Variants in MID2 observed in about 807,000 individuals in gnomAD.
MID2 encodes probable E3 ubiquitin-protein ligase MID2.
A neutral mutation model predicts 46.1 loss-of-function variants in MID2; 13 were observed. The observed-to-expected ratio is 0.28, with a 90% confidence interval of 0.18 to 0.45. The LOEUF is 0.45. MID2 is among the 20% of genes least tolerant of loss of function. MID2 has a pLI of 1.00. For missense variants in MID2, 431 were observed against 575.4 expected (o/e 0.75, Z 2.57); for synonymous variants, 199 against 212.3 (o/e 0.94, Z 0.55).
At chrX:107,913,039 TA>T (rs1271306666) in intron 5 of MID2, among the ~76,000 whole-genome samples, 1 of 110,935 alleles carries the variant, frequency 9.0e-6, no homozygotes, top group East Asian at 2.8e-4. Flanking sequence ...TTTGCTTAAA[TA>T]AAAAAACACA....
At chrX:107,863,368 A>C (rs928269981) in intron 3 of MID2, among the ~76,000 whole-genome samples, 1 of 111,827 alleles carries the variant, frequency 8.9e-6, no homozygotes, top group East Asian at 2.8e-4. Flanking sequence ...AGGTGTGGTC[A>C]TGTCTTCATA....
chrX:107,924,267 G>A lies in MID2; in HGVS notation c.1436-76G>A, dbSNP rs922270905. On this transcript the variant is annotated intron_variant, in intron 7 of 9. Transcript: ENST00000262843. ...ATTCACTTTTGAGGGGGTGGCTTAT[G>A]ATGAATTTTCAGTGTGTTTTTCATT... 4 of 1,021,551 alleles carry A rather than the reference G, an allele frequency of 3.9e-6. No individual in the cohort carries two copies. In the Admixed American group the frequency reaches 9.8e-5, roughly 25 times the overall value. 84.2% of individuals were successfully genotyped at this position (1,021,551 alleles called of 1,213,427 possible).
At chrX:107,918,050 A>C (rs1933003446) in intron 7 of MID2, among the ~76,000 whole-genome samples, 2 of 111,583 alleles carry the variant, frequency 1.8e-5, no homozygotes, top group African/African-American at 6.5e-5. Flanking sequence ...GGTAAAATAC[A>C]TTATGTTCAA....
chrX:107,836,788 C>T (rs917303280), intron 1 of MID2, among the ~76,000 whole-genome samples: 2 of 110,404 alleles, frequency 1.8e-5, no homozygotes, highest in Admixed American at 9.7e-5. Context: ...ATTCAGTACC[C>T]GAAAATTGGC....
At chrX:107,924,570 T>TCCATGCCAGGG in intron 8 of MID2, 66 bp downstream of exon 8, 1 of 1,097,267 alleles carries the variant, frequency 9.1e-7, no homozygotes, top group Non-Finnish European at 1.3e-6. Flanking sequence ...GTACACAGCC[T>TCCATGCCAGGG]GAGCAGGCAC....
intron 2 of MID2, among the ~76,000 whole-genome samples, chrX:107,843,978 T>C (rs1931404321): frequency 9.1e-6 from 1 of 109,953 alleles, no homozygotes; most frequent in African/African-American, 3.3e-5. Context: ...TTCTTCCCCA[T>C]ACTATCATTC....
chrX:107,874,292 A>G (rs1016439546), intron 3 of MID2, among the ~76,000 whole-genome samples: 2 of 111,765 alleles, frequency 1.8e-5, no homozygotes, highest in Non-Finnish European at 3.8e-5. Flanking sequence ...AACTTGATAC[A>G]CGAGGAGGCA....
At chrX:107,890,357 G>A (rs1485818086) in intron 3 of MID2, among the ~76,000 whole-genome samples, 2 of 112,262 alleles carry the variant, frequency 1.8e-5, no homozygotes, top group Non-Finnish European at 3.8e-5. Context: ...TTAGCTGCAG[G>A]CCTGTTGGAG....
intron 1 of MID2, among the ~76,000 whole-genome samples, chrX:107,833,426 TA>T (rs1484603921): frequency 4.6e-4 from 45 of 98,001 alleles, no homozygotes; most frequent in African/African-American, 7.3e-4. Flanking sequence ...TATATATATA[TA>T]TATTTTTTTT....
Position 107,854,626 on chromosome X carries a change from C to T in MID2, c.738C>T (p.Asn246=). Residue 246 remains asparagine, a synonymous_variant, in exon 3 of 10, where the codon AAC becomes AAT. Transcript: ENST00000262843. ...FEKLKQTLEM[N]LTNLVKRNSE... ...GATGACAGCAAACTCTGGAGATGAA[C>T]CTCACCAACCTGGTTAAGCGCAACA... The T allele has an allele frequency of 1.7e-6, 2 of 1,209,866 alleles. No individual in the cohort carries two copies. The highest frequency in any genetic ancestry group is 1.8e-5 in the South Asian group (1 of 56,875).
intron 2 of MID2, among the ~76,000 whole-genome samples, chrX:107,851,962 G>A (rs928348034): frequency 1.8e-4 from 20 of 110,097 alleles, no homozygotes; most frequent in East Asian, 2.8e-4. Flanking sequence ...GTACGATCTC[G>A]GCTCACTGCA....
intron 1 of MID2, among the ~76,000 whole-genome samples, chrX:107,831,257 C>T (rs981922784): frequency 8.9e-6 from 1 of 111,807 alleles, no homozygotes; most frequent in Non-Finnish European, 1.9e-5. Flanking sequence ...GGCTTTGTCT[C>T]AGCTTCCTTC....
intron 1 of MID2, among the ~76,000 whole-genome samples, chrX:107,838,206 G>T (rs1479496942): frequency 1.8e-5 from 2 of 111,667 alleles, no homozygotes; most frequent in Non-Finnish European, 3.8e-5. Flanking sequence ...GTGGAGGTGA[G>T]GAGGAGCACA....
chrX:107,826,324 G>A lies in MID2; in HGVS notation c.-103G>A, dbSNP rs1930941765. ...GGTAGCGGCGGCGGCGGCGACCGGG[G>A]CCCGGGAGCTCGCGCCGGAGCCCGA... On this transcript the variant is annotated 5_prime_UTR_variant, in exon 1 of 10. Transcript: ENST00000262843. 2 of 997,358 alleles carry A rather than the reference G, an allele frequency of 2.0e-6. No individual in the cohort carries two copies. The highest frequency in any genetic ancestry group is 2.4e-5 in the South Asian group (1 of 41,488). The allele number at this position is 997,358 out of a possible 1,213,427, so 82.2% of individuals were successfully genotyped here. A position where few individuals can be genotyped will look rare whatever the true frequency, so the allele number is the denominator to read the frequency against.
chrX:107,929,878 T>C lies in MID2; in HGVS notation c.*2805T>C, dbSNP rs1933251033. Among the ~76,000 whole-genome samples, 2 of 111,706 alleles carry C rather than the reference T, an allele frequency of 1.8e-5. No individual in the cohort carries two copies. The highest frequency in any genetic ancestry group is 3.8e-5 in the Non-Finnish European group (2 of 53,052). ...CAGCAATAATCACATTGTATAGCAGTGTTTTTCAAAGTGTGGTCCTCACAC... is the reference window on the plus strand; with the variant it reads ...CAGCAATAATCACATTGTATAGCAGCGTTTTTCAAAGTGTGGTCCTCACAC... On this transcript the variant is annotated 3_prime_UTR_variant, in exon 10 of 10. Coordinates refer to ENST00000262843, the MANE Select transcript of MID2 (RefSeq NM_012216.4).
chrX:107,845,070 T>C (rs1369886434), intron 2 of MID2, among the ~76,000 whole-genome samples: 1 of 111,714 alleles, frequency 9.0e-6, no homozygotes, highest in Non-Finnish European at 1.9e-5. Flanking sequence ...TGCCATTATA[T>C]ATACCCTGAA....
intron 5 of MID2, among the ~76,000 whole-genome samples, chrX:107,913,118 A>G (rs1932915859): frequency 8.9e-6 from 1 of 111,736 alleles, no homozygotes; most frequent in Non-Finnish European, 1.9e-5. Context: ...CCTTTGGTCC[A>G]TCATTAACAT....
chrX:107,855,781 G>A (rs749488154), intron 3 of MID2, among the ~76,000 whole-genome samples: 17 of 111,946 alleles, frequency 1.5e-4, no homozygotes, highest in Non-Finnish European at 2.8e-4. Flanking sequence ...TTCAAGTAGA[G>A]TGTACTTGTA....
intron 3 of MID2, among the ~76,000 whole-genome samples, chrX:107,868,624 A>C (rs1442531258): frequency 9.0e-6 from 1 of 111,427 alleles, no homozygotes; most frequent in African/African-American, 3.3e-5. Flanking sequence ...CCCTGGGATA[A>C]ATTTTATTTT....
Sources: gnomAD v4.1 joint callset for allele counts (sites outside exome capture counted in the v4.1 genomes callset) on GRCh38, gnomAD v4.1.1 for gene constraint, MANE v1.5 for transcripts, NCBI Gene and HGNC (gene_info 2026-07-23, HGNC 2026-07-21) for gene names.